Variants in CUX2 observed in about 807,000 individuals in gnomAD.
The protein encoded by CUX2 is homeobox protein cut-like 2.
Under a neutral mutation model 144.8 loss-of-function variants are expected in CUX2, and 40 were observed. That is an observed-to-expected ratio of 0.28 (90% confidence interval 0.21 to 0.36). CUX2 has a LOEUF of 0.36. Ranked by LOEUF, CUX2 falls within the 10% of genes least tolerant of loss-of-function variation. The pLI is 1.00. For synonymous variants in CUX2, 827 were observed against 875.6 expected, an observed-to-expected ratio of 0.94 and a Z score of 0.98; for missense variants, 1,615 against 1,994.0, an observed-to-expected ratio of 0.81 and a Z score of 3.62.
chr12:111,115,601 A>T (rs1034390256), intron 1 of CUX2, among the ~76,000 whole-genome samples: 3 of 152,052 alleles, frequency 2.0e-5, no homozygotes, highest in Non-Finnish European at 4.4e-5. Flanking sequence ...TGAACATGGT[A>T]TATCTCCATT....
At chr12:111,143,803 T>G (rs1026739767) in intron 1 of CUX2, among the ~76,000 whole-genome samples, 3 of 152,284 alleles carry the variant, frequency 2.0e-5, no homozygotes, top group East Asian at 1.9e-4. Context: ...CTGGGGTGTG[T>G]GGGGGGGTTT....
intron 1 of CUX2, chr12:111,099,304 T>G: frequency 3.1e-6 from 1 of 324,422 alleles, no homozygotes. Context: ...GACCTCCGGG[T>G]GAGCAGGGTG....
intron 1 of CUX2, among the ~76,000 whole-genome samples, chr12:111,134,847 T>C (rs1026600092): frequency 7.2e-5 from 11 of 152,132 alleles, no homozygotes; most frequent in Non-Finnish European, 1.2e-4. Context: ...GAAAGGGAAC[T>C]CCAGGCAGAA....
intron 1 of CUX2, among the ~76,000 whole-genome samples, chr12:111,101,647 C>T (rs1021910134): frequency 6.6e-6 from 1 of 152,184 alleles, no homozygotes; most frequent in Non-Finnish European, 1.5e-5. Context: ...ATATCTGGAG[C>T]CTGGCTTCAA....
At position 111,263,432 on chromosome 12, in the gene CUX2, C is replaced by T. The variant is rs998834231; in HGVS notation, c.223-329C>T. Among the ~76,000 whole-genome samples, 3 of 152,128 alleles carry T rather than the reference C, an allele frequency of 2.0e-5. No individual in the cohort carries two copies. Among genetic ancestry groups the T allele is most frequent in the Non-Finnish European group, 2.9e-5 (2 of 68,026 alleles). ...ACCATCCTGGCCAACGTGGTCAAAC[C>T]GTCTCTACCAAAAGTACAAAAAAAT... On this transcript the variant is annotated intron_variant, in intron 3 of 21. Coordinates refer to ENST00000261726, the MANE Select transcript of CUX2 (RefSeq NM_015267.4). The surrounding 1 kb of genome is among the most constrained non-coding windows in gnomAD (Gnocchi z 4.0).
At chr12:111,105,638 G>T (rs1040793699) in intron 1 of CUX2, among the ~76,000 whole-genome samples, 1 of 152,080 alleles carries the variant, frequency 6.6e-6, no homozygotes, top group Non-Finnish European at 1.5e-5. Context: ...AGAATAACTG[G>T]GACTTTGGAG....
chr12:111,329,020 C>T (rs554441027), intron 18 of CUX2, among the ~76,000 whole-genome samples: 58 of 122,302 alleles, frequency 4.7e-4, no homozygotes, highest in African/African-American at 1.9e-3. Context: ...CCCCACCCCA[C>T]TCTCTCTCTC....
intron 3 of CUX2, among the ~76,000 whole-genome samples, chr12:111,258,515 A>C (rs79912101): frequency 6.6e-6 from 1 of 150,420 alleles, no homozygotes; most frequent in African/African-American, 2.4e-5. Flanking sequence ...TCCATCTCAA[A>C]AAAAAAAAAA....
At chr12:111,086,893 C>T (rs1413100417) in intron 1 of CUX2, among the ~76,000 whole-genome samples, 1 of 151,924 alleles carries the variant, frequency 6.6e-6, no homozygotes, top group Non-Finnish European at 1.5e-5. Context: ...ATAGCGAGAC[C>T]CCATCACTAA....
chr12:111,289,238 C>A lies in CUX2; in HGVS notation c.302-2180C>A, dbSNP rs1483219809. Reference sequence around the variant, plus strand: ...GGCCCCTTGGTCTATATCCAGGACCCTGGCTTTCCTGGGTGCCATGGACAC... The same window carrying A: ...GGCCCCTTGGTCTATATCCAGGACCATGGCTTTCCTGGGTGCCATGGACAC... On this transcript the variant is annotated intron_variant, in intron 4 of 21. Coordinates refer to ENST00000261726, the MANE Select transcript of CUX2 (RefSeq NM_015267.4). The surrounding 1 kb of genome is among the most constrained non-coding windows in gnomAD (Gnocchi z 4.1). Among the ~76,000 whole-genome samples the A allele has an allele frequency of 6.6e-6, 1 of 152,214 alleles. No individual in the cohort carries two copies. The highest frequency in any genetic ancestry group is 1.5e-5 in the Non-Finnish European group (1 of 68,052).
In CUX2 at chr12:111,320,271, C is replaced by G. The variant is rs1191647616; in HGVS notation, c.2262C>G (p.Pro754=). The change falls in exon 17 of 22, where the codon CCC becomes CCG. Residue 754 remains proline (P), a synonymous_variant. Coordinates refer to ENST00000261726, the MANE Select transcript of CUX2 (RefSeq NM_015267.4). The surrounding 1 kb of genome is among the most constrained non-coding windows in gnomAD (Gnocchi z 8.1). ...LVKQEEGSGG[P]AQAPLPVLSP... is the part of the protein sequence containing the mutation. ...AGCAGGAGGAGGGCAGCGGGGGCCC[C>G]GCGCAGGCGCCGCTCCCGGTCCTGT... The G allele has an allele frequency of 1.3e-6, 2 of 1,593,462 alleles. No homozygotes were observed. The highest frequency in any genetic ancestry group is 1.7e-6 in the Non-Finnish European group (2 of 1,177,198).
At position 111,307,442 on chromosome 12, in the gene CUX2, A is replaced by C. The variant is rs1200072211; in HGVS notation, c.1109+185A>C. ...AGTGGCTCATCCCTGTAATCCCAAC[A>C]CTTTGGGAGGCCCAGGCAGGAGGAT... is the stretch of plus-strand genomic sequence containing the variant. On this transcript the variant is annotated intron_variant, in intron 12 of 21. Transcript: ENST00000261726. The surrounding 1 kb of genome is among the most constrained non-coding windows in gnomAD (Gnocchi z 4.1). 6.6e-6 allele frequency among the ~76,000 whole-genome samples: 1 copy of C among 152,126 alleles called. No homozygotes were observed. The highest frequency in any genetic ancestry group is 1.5e-5 in the Non-Finnish European group (1 of 68,016).
At chr12:111,070,406 TTCCTTCCTTCCTTCCTTCCTTCC>T (rs1871210384) in intron 1 of CUX2, among the ~76,000 whole-genome samples, 1 of 4,838 alleles carries the variant, frequency 2.1e-4, no homozygotes, top group Non-Finnish European at 1.0e-3. Flanking sequence ...CCTTCCTTCC[TTCCTTCCTTCCTTCCTTCCTTCC>T]TTCCTTCCTT....
chr12:111,293,350 A>T lies in CUX2; in HGVS notation c.437-96A>T. The T allele has an allele frequency of 1.4e-6, 2 of 1,470,596 alleles. No homozygotes were observed. The highest frequency in any genetic ancestry group is 1.8e-6 in the Non-Finnish European group (2 of 1,106,866). The allele number at this position is 1,470,596 out of a possible 1,614,324, so 91.1% of individuals were successfully genotyped here. Reference sequence around the variant, plus strand: ...TCCAAGGCCCAAGTTTGGGAAATTGATCACAATCAATGATCGATCCGGTTT... The same window carrying T: ...TCCAAGGCCCAAGTTTGGGAAATTGTTCACAATCAATGATCGATCCGGTTT... On this transcript the variant is annotated intron_variant, in intron 5 of 21. Coordinates refer to ENST00000261726, the MANE Select transcript of CUX2 (RefSeq NM_015267.4). The surrounding 1 kb of genome is among the most constrained non-coding windows in gnomAD (Gnocchi z 4.5).
At position 111,246,110 on chromosome 12, in the gene CUX2, T is replaced by C. The variant is rs917283599; in HGVS notation, c.223-17651T>C. ...TACTCTGCCAGCTTTCCTAGCTGCA[T>C]GACCCGGGGCAAGTCTCTTGACTTC... On this transcript the variant is annotated intron_variant, in intron 3 of 21. Transcript: ENST00000261726. The surrounding 1 kb of genome is among the most constrained non-coding windows in gnomAD (Gnocchi z 4.0). 6.6e-6 allele frequency among the ~76,000 whole-genome samples: 1 copy of C among 152,188 alleles called. No individual in the cohort carries two copies. The highest frequency in any genetic ancestry group is 1.5e-5 in the Non-Finnish European group (1 of 68,032).
intron 1 of CUX2, among the ~76,000 whole-genome samples, chr12:111,042,472 T>C (rs1396494675): frequency 6.6e-6 from 1 of 152,214 alleles, no homozygotes; most frequent in Non-Finnish European, 1.5e-5. Flanking sequence ...AAAGACTACC[T>C]GGACTCTGGA....
intron 1 of CUX2, among the ~76,000 whole-genome samples, chr12:111,111,306 GA>G (rs142051499): frequency 4.6e-4 from 67 of 146,552 alleles, no homozygotes; most frequent in Middle Eastern, 3.4e-3. Context: ...TGTCTCAAAA[GA>G]AAAAAAAAAG....
At chr12:111,333,082 A>G (rs1888192011) in intron 18 of CUX2, among the ~76,000 whole-genome samples, 1 of 152,036 alleles carries the variant, frequency 6.6e-6, no homozygotes, top group Non-Finnish European at 1.5e-5. Context: ...GGTGGCATGC[A>G]CCTATAATCC....
chr12:111,266,167 C>T (rs938520142), intron 4 of CUX2, among the ~76,000 whole-genome samples: 1 of 152,060 alleles, frequency 6.6e-6, no homozygotes, highest in Non-Finnish European at 1.5e-5. Flanking sequence ...GCCCTAAATC[C>T]AATGACTGGT....
Sources: allele counts gnomAD v4.1 joint callset (sites outside exome capture counted in the v4.1 genomes callset), GRCh38; gene constraint gnomAD v4.1.1; non-coding constraint Gnocchi (gnomAD v3.1); transcripts MANE v1.5; gene names NCBI Gene and HGNC (gene_info 2026-07-23, HGNC 2026-07-21).